The following MATN2 variants were observed in gnomAD, a reference collection of about 807,000 sequenced individuals.
The protein encoded by MATN2 is matrilin 2.
In MATN2, 69 loss-of-function variants were observed where a neutral mutation model predicts 103.2. The observed-to-expected ratio is 0.67, with a 90% CI of 0.55 to 0.82. The LOEUF (loss-of-function observed/expected upper bound fraction) is 0.82, where lower values mean the gene tolerates loss of function less well. MATN2 is among the 40% of genes least tolerant of loss of function. MATN2 has a pLI of 0.00. For synonymous variants in MATN2, 429 were observed against 450.2 expected (o/e 0.95, Z 0.60); for missense variants, 1,023 against 1,211.5 (o/e 0.84, Z 2.31).
At position 97,887,912 on chromosome 8, in the gene MATN2, G is replaced by A. The variant is rs183550471; in HGVS notation, c.-26-163G>A. 3,126 of 571,362 alleles carry A rather than the reference G, an allele frequency of 5.5e-3. 12 individuals carry two copies. The highest frequency in any genetic ancestry group is 0.012 in the Middle Eastern group (27 of 2,208). The allele number at this position is 571,362 out of a possible 1,614,324, so 35.4% of individuals were successfully genotyped here. A position where few individuals can be genotyped will look rare whatever the true frequency, so the allele number is the denominator to read the frequency against. On this transcript the variant is annotated intron_variant, in intron 1 of 18. Transcript: ENST00000254898. ...GAGCGTCCAAGAAGAGCCTACCAAC[G>A]GGGGCTACTTAAGCTCTCAAAGGCC...
At position 98,021,250 on chromosome 8, in the gene MATN2, G is replaced by T; in HGVS notation, c.1865G>T (p.Cys622Phe). The change falls in exon 13 of 19, where the codon TGT becomes TTT. Residue 622 changes from cysteine to phenylalanine, a missense_variant. By Grantham distance (205) the Cys-to-Phe change is radical (BLOSUM62 -2). Transcript: ENST00000254898. ...KSTHHGCEHI[C>F]VNNGNSYICK... ...ACCCACCATGGCTGCGAACACATTTGTGTTAATAATGGGAATTCCTACATC... is the reference window on the plus strand; with the variant it reads ...ACCCACCATGGCTGCGAACACATTTTTGTTAATAATGGGAATTCCTACATC... The T allele has an allele frequency of 6.2e-7, 1 of 1,613,784 alleles. No homozygotes were observed. Among genetic ancestry groups the T allele is most frequent in the South Asian group, 1.1e-5 (1 of 91,078 alleles).
At chr8:98,032,644 G>A (rs531214012) in intron 16 of MATN2, among the ~76,000 whole-genome samples, 4 of 152,100 alleles carry the variant, frequency 2.6e-5, no homozygotes, top group Admixed American at 2.0e-4. Context: ...TGATTCTCCT[G>A]CCCCAGCCTC....
At chr8:97,876,118 C>T (rs1818060081) in intron 1 of MATN2, among the ~76,000 whole-genome samples, 1 of 151,892 alleles carries the variant, frequency 6.6e-6, no homozygotes, top group South Asian at 2.1e-4. Context: ...CTCTAGCCAA[C>T]CTCCCACCTC....
intron 4 of MATN2, among the ~76,000 whole-genome samples, chr8:97,944,575 C>T (rs1001203154): frequency 3.3e-5 from 5 of 152,340 alleles, no homozygotes; most frequent in African/African-American, 1.2e-4. Context: ...ATGGCTGTCT[C>T]ACTCTGAGCT....
rs144630728 is a variant in MATN2 at position 98,010,361 on chromosome 8, G to A, written c.1573+2760G>A. On this transcript the variant is annotated intron_variant, in intron 10 of 18. Transcript: ENST00000254898. ...CATGTCTGAGAAACAGTGTGGCAGA[G>A]CAGAAAGAGTACTGAACTGGAAGCC... 1.9e-3 allele frequency among the ~76,000 whole-genome samples: 296 copies of A among 152,308 alleles called. 3 individuals carry two copies. Among genetic ancestry groups the A allele is most frequent in the African/African-American group, 6.9e-3 (285 of 41,578 alleles).
chr8:97,910,164 C>T (rs1031954540), intron 2 of MATN2, among the ~76,000 whole-genome samples: 4 of 151,726 alleles, frequency 2.6e-5, no homozygotes, highest in African/African-American at 4.8e-5. Context: ...CAGGTTCAAG[C>T]GATTTTCCCA....
At chr8:98,002,399 G>A (rs10955141) in intron 7 of MATN2, among the ~76,000 whole-genome samples, 64,023 of 152,070 alleles carry the variant, frequency 0.42, 14,642 homozygotes, top group Non-Finnish European at 0.53. Flanking sequence ...CAACCCCTGC[G>A]TCCCTAAATA....
At chr8:98,024,665 A>G (rs1813725027) in intron 13 of MATN2, among the ~76,000 whole-genome samples, 1 of 152,276 alleles carries the variant, frequency 6.6e-6, no homozygotes, top group South Asian at 2.1e-4. Context: ...AGGATGCTGT[A>G]AAGAGGATGT....
intron 3 of MATN2, among the ~76,000 whole-genome samples, chr8:97,936,955 A>AG (rs1324292315): frequency 3.3e-5 from 5 of 152,216 alleles, no homozygotes; most frequent in African/African-American, 4.8e-5. Flanking sequence ...TTCTAAAAGG[A>AG]GGGGGGAGTG....
intron 2 of MATN2, among the ~76,000 whole-genome samples, chr8:97,901,998 G>T (rs1818997469): frequency 6.6e-6 from 1 of 151,896 alleles, no homozygotes; most frequent in Non-Finnish European, 1.5e-5. Flanking sequence ...TCATAATACT[G>T]AGTTACGTTT....
intron 4 of MATN2, among the ~76,000 whole-genome samples, chr8:97,955,845 AC>A (rs1452711796): frequency 6.6e-6 from 1 of 152,240 alleles, no homozygotes; most frequent in Non-Finnish European, 1.5e-5. Flanking sequence ...AGTGCCAGGC[AC>A]TGTGCTAGAT....
At chr8:97,886,155 T>A (rs553613582) in intron 1 of MATN2, among the ~76,000 whole-genome samples, 1 of 152,226 alleles carries the variant, frequency 6.6e-6, no homozygotes, top group East Asian at 1.9e-4. Context: ...TGATGACCTG[T>A]CACTGTCTCC....
At chr8:98,018,652 C>T (rs1377032047) in intron 12 of MATN2, among the ~76,000 whole-genome samples, 1 of 152,152 alleles carries the variant, frequency 6.6e-6, no homozygotes, top group African/African-American at 2.4e-5. Flanking sequence ...GTGACGGGCA[C>T]ATCTCACATG....
intron 2 of MATN2, among the ~76,000 whole-genome samples, chr8:97,906,088 G>A (rs1819160689): frequency 6.6e-6 from 1 of 152,122 alleles, no homozygotes; most frequent in Admixed American, 6.5e-5. Flanking sequence ...GTAATTCTAT[G>A]TTTAACTTTC....
At chr8:98,015,946 A>G (rs1813343837) in intron 10 of MATN2, among the ~76,000 whole-genome samples, 1 of 152,212 alleles carries the variant, frequency 6.6e-6, no homozygotes, top group South Asian at 2.1e-4. Context: ...ACATAAGTAG[A>G]TATGTAAATA....
chr8:97,948,937 G>A (rs1810845648), intron 4 of MATN2, among the ~76,000 whole-genome samples: 1 of 152,132 alleles, frequency 6.6e-6, no homozygotes, highest in African/African-American at 2.4e-5. Context: ...CCACAGATTG[G>A]AATAAAACAT....
intron 4 of MATN2, among the ~76,000 whole-genome samples, chr8:97,943,263 A>G (rs1036069717): frequency 6.6e-6 from 1 of 151,300 alleles, no homozygotes; most frequent in African/African-American, 2.4e-5. Context: ...CAGGTGTTCT[A>G]CCTCCCCACA....
At chr8:97,955,790 T>C (rs1177264073) in intron 4 of MATN2, among the ~76,000 whole-genome samples, 10 of 152,202 alleles carry the variant, frequency 6.6e-5, no homozygotes, top group Non-Finnish European at 4.4e-5. Flanking sequence ...CACATGAGCA[T>C]GAGTTCATTC....
At chr8:98,000,248 G>C (rs1378037058) in intron 7 of MATN2, among the ~76,000 whole-genome samples, 1 of 152,022 alleles carries the variant, frequency 6.6e-6, no homozygotes, top group Non-Finnish European at 1.5e-5. Flanking sequence ...ATTTTTACTA[G>C]CAGTGGATCT....
Sources: gnomAD v4.1 joint callset for allele counts (sites outside exome capture counted in the v4.1 genomes callset) on GRCh38, gnomAD v4.1.1 for gene constraint, MANE v1.5 for transcripts, NCBI Gene and HGNC (gene_info 2026-07-23, HGNC 2026-07-21) for gene names.